The following PCDH10 variants were observed in gnomAD, a reference collection of about 807,000 sequenced individuals.
PCDH10 encodes the protein protocadherin 10.
Under a neutral mutation model 74.4 loss-of-function variants are expected in PCDH10, and 15 were observed. The observed-to-expected ratio is 0.20, with a 90% CI of 0.13 to 0.31. PCDH10 has a LOEUF of 0.31. PCDH10 is among the 10% of genes least tolerant of loss of function. The probability of loss-of-function intolerance (pLI) is 1.00; values close to 1 mark genes in which losing one functional copy is unlikely to be tolerated. For synonymous variants in PCDH10, 619 were observed against 589.8 expected (o/e 1.05, Z -0.72); for missense variants, 1,260 against 1,390.2 (o/e 0.91, Z 1.49).
intron 2 of PCDH10, among the ~76,000 whole-genome samples, chr4:133,206,692 AT>A (rs1005386455): frequency 2.0e-5 from 3 of 151,844 alleles, no homozygotes; most frequent in Non-Finnish European, 4.4e-5. Context: ...TTTTTCATTA[AT>A]TTTTTTTCAC....
At chr4:133,197,969 TTGTGTGTGTGTGTG>T (rs70957500), downstream of PCDH10, among the ~76,000 whole-genome samples, 76 of 145,030 alleles carry the variant, frequency 5.2e-4, no homozygotes, top group African/African-American at 1.5e-3. Context: ...TCTCTCAAAA[TTGTGTGTGTGTGTG>T]TGTGTGTGTG....
At chr4:133,179,594 T>G (rs1013075953) in intron 4 of PCDH10, among the ~76,000 whole-genome samples, 3 of 152,162 alleles carry the variant, frequency 2.0e-5, no homozygotes, top group East Asian at 3.8e-4. Flanking sequence ...CAATCAAGAT[T>G]CAATTTATTT....
rs1051809072 is a variant in PCDH10 at position 133,190,732 on chromosome 4, C to A, written c.*572C>A. Reference sequence around the variant, plus strand: ...TTGCAAAGTGTTTACTGTACTATTTCAAAGCTTCTAAATAAATATAAAATA... The same window carrying A: ...TTGCAAAGTGTTTACTGTACTATTTAAAAGCTTCTAAATAAATATAAAATA... On this transcript the variant is annotated 3_prime_UTR_variant, in exon 5 of 5. Coordinates refer to ENST00000264360, the MANE Select transcript of PCDH10 (RefSeq NM_032961.3). 3.3e-5 allele frequency: 5 copies of A among 150,790 alleles called. No individual in the cohort carries two copies. The highest frequency in any genetic ancestry group is 6.7e-5 in the Admixed American group (1 of 15,000). The allele number at this position is 150,790 out of a possible 1,614,324, so 9.3% of individuals were successfully genotyped here.
rs1578555924 is a variant in PCDH10, at chr4:133,151,160, G to T, written c.1020G>T (p.Ala340=). The part of the protein sequence containing the change: ...AKDLGPNAVP[A]HCKVLVRVLD... ...ACCTGGGCCCCAACGCCGTGCCTGCGCACTGCAAGGTGCTAGTGCGAGTAC... is the reference window on the plus strand; with the variant it reads ...ACCTGGGCCCCAACGCCGTGCCTGCTCACTGCAAGGTGCTAGTGCGAGTAC... The change falls in exon 1 of 5, where the codon GCG becomes GCT. Residue 340 remains alanine (A), a synonymous_variant. Coordinates refer to ENST00000264360, the MANE Select transcript of PCDH10 (RefSeq NM_032961.3). 5 of 1,614,144 alleles carry T rather than the reference G, an allele frequency of 3.1e-6. No individual in the cohort carries two copies. The highest frequency in any genetic ancestry group is 1.3e-5 in the African/African-American group (1 of 75,052).
chr4:133,169,724 T>C lies in PCDH10; in HGVS notation c.3103+6442T>C, dbSNP rs577648419. Among the ~76,000 whole-genome samples, 5 of 152,082 alleles carry C rather than the reference T, an allele frequency of 3.3e-5. No individual in the cohort carries two copies. The South Asian group carries it at 1.0e-3, about 32-fold the overall frequency. ...ATTTATGAGTCAAAATTTGAATGTG[T>C]TAAGTTATAAAGATATTGTAAATAA... On this transcript the variant is annotated intron_variant, in intron 4 of 4. Transcript: ENST00000264360.
chr4:133,201,860 A>AT, intron 2 of PCDH10, among the ~76,000 whole-genome samples: 1 of 150,934 alleles, frequency 6.6e-6, no homozygotes, highest in Non-Finnish European at 1.5e-5. Context: ...CCATCTCAAA[A>AT]AAAAAAAAAA....
rs779854709 is a variant in PCDH10, at chr4:133,151,887, G to A, written c.1747G>A (p.Gly583Arg). Residue 583 changes from glycine to arginine, a missense_variant, in exon 1 of 5, where the codon GGG becomes AGG. By Grantham distance (125) the Gly-to-Arg change is moderately radical (BLOSUM62 -2). This residue lies in a region of PCDH10 where 587 missense variants were observed against 616.9 expected (regional missense o/e 0.95). Transcript: ENST00000264360. ...AIVAPLPGRN[G>R]TPAREVLPRS... ...CGTGGCGCCTCTACCAGGGCGCAACGGGACTCCAGCGCGTGAGGTGCTGCC... is the reference window on the plus strand; with the variant it reads ...CGTGGCGCCTCTACCAGGGCGCAACAGGACTCCAGCGCGTGAGGTGCTGCC... The A allele has an allele frequency of 3.7e-6, 6 of 1,612,862 alleles. No homozygotes were observed. Among genetic ancestry groups the A allele is most frequent in the Middle Eastern group, 1.6e-4 (1 of 6,084 alleles).
chr4:133,155,268 T>C (rs1726842416), intron 3 of PCDH10, among the ~76,000 whole-genome samples: 1 of 152,208 alleles, frequency 6.6e-6, no homozygotes, highest in Non-Finnish European at 1.5e-5. Context: ...AAATATATCT[T>C]GCTTATGTAA....
downstream of PCDH10, among the ~76,000 whole-genome samples, chr4:133,198,546 G>T (rs1281535061): frequency 6.6e-6 from 1 of 152,078 alleles, no homozygotes; most frequent in Non-Finnish European, 1.5e-5. Context: ...TGCTTCCATT[G>T]CCTCTTTGAC....
chr4:133,162,781 G>A (rs1726995267), intron 3 of PCDH10, among the ~76,000 whole-genome samples, 196 bp from the exon 4 acceptor site: 1 of 152,100 alleles, frequency 6.6e-6, no homozygotes, highest in East Asian at 1.9e-4. Context: ...TTTTACATTT[G>A]CAGATCATTT....
At chr4:133,164,779 A>G (rs966119756) in intron 4 of PCDH10, among the ~76,000 whole-genome samples, 1 of 151,002 alleles carries the variant, frequency 6.6e-6, no homozygotes. Flanking sequence ...AATGCTGCAT[A>G]TATTTTAATG....
At chr4:133,173,994 G>A (rs1356493183) in intron 4 of PCDH10, among the ~76,000 whole-genome samples, 1 of 151,694 alleles carries the variant, frequency 6.6e-6, no homozygotes, top group African/African-American at 2.4e-5. Flanking sequence ...ATTATACAAC[G>A]AAGTCAGTTT....
chr4:133,196,275 T>A (rs962265243), downstream of PCDH10, among the ~76,000 whole-genome samples: 2 of 151,800 alleles, frequency 1.3e-5, no homozygotes, highest in Admixed American at 1.3e-4. Flanking sequence ...GGAATCAGAG[T>A]TTTTAAGGAT....
Position 133,152,169 on chromosome 4 carries a change from C to G in PCDH10, c.2029C>G (p.Gln677Glu). Residue 677 changes from glutamine (Q) to glutamate (E), a missense_variant, in exon 1 of 5, where the codon CAG becomes GAG. Gln to Glu is a conservative substitution (Grantham distance 29). Transcript: ENST00000264360. ...TTCCTCCACCGCCACCCTGGTGGTT[C>G]AGCTGGTGGATGGCGCCGTGGAGCC... is the stretch of plus-strand genomic sequence containing the variant. ...PLSSTATLVV[Q>E]LVDGAVEPQG... 1 of 1,568,938 alleles carries G rather than the reference C, an allele frequency of 6.4e-7. No homozygotes were observed. Among genetic ancestry groups the G allele is most frequent in the South Asian group, 1.2e-5 (1 of 83,156 alleles).
intron 4 of PCDH10, among the ~76,000 whole-genome samples, chr4:133,169,365 C>A (rs905979488): frequency 2.0e-5 from 3 of 151,676 alleles, no homozygotes; most frequent in Non-Finnish European, 3.0e-5. Context: ...ATAGAGAAAA[C>A]ATAATCGATC....
chr4:133,207,948 C>T (rs1027285746), intron 2 of PCDH10: 1 of 152,188 alleles, frequency 6.6e-6, no homozygotes, highest in East Asian at 1.9e-4. Flanking sequence ...TAGTAAACCA[C>T]CTCTAAAAAA....
At chr4:133,196,469 T>C (rs1349364885), downstream of PCDH10, among the ~76,000 whole-genome samples, 1 of 152,012 alleles carries the variant, frequency 6.6e-6, no homozygotes, top group Non-Finnish European at 1.5e-5. Flanking sequence ...AAGTGAAGGG[T>C]CTCCAAAATA....
chr4:133,180,200 C>A (rs2125869870), intron 4 of PCDH10, among the ~76,000 whole-genome samples: 1 of 152,064 alleles, frequency 6.6e-6, no homozygotes, highest in African/African-American at 2.4e-5. Flanking sequence ...CAGTTGTCTG[C>A]CACGTATCAT....
intron 2 of PCDH10, among the ~76,000 whole-genome samples, chr4:133,204,556 A>T (rs1727965455): frequency 6.6e-6 from 1 of 152,180 alleles, no homozygotes; most frequent in African/African-American, 2.4e-5. Flanking sequence ...CTTCTTTTGG[A>T]GAAAAACAAG....
Sources: allele counts gnomAD v4.1 joint callset (sites outside exome capture counted in the v4.1 genomes callset), GRCh38; gene constraint gnomAD v4.1.1; regional missense constraint gnomAD v4.1.1; transcripts MANE v1.5; gene names NCBI Gene and HGNC (gene_info 2026-07-23, HGNC 2026-07-21).